BLM: variants seen among roughly 807,000 people sequenced by gnomAD.
BLM encodes BLM RecQ like helicase.
In BLM, 95 loss-of-function variants were observed where a neutral mutation model predicts 135.3. The ratio of observed to expected loss-of-function variants is 0.70; its 90% confidence interval spans 0.59 to 0.83. The LOEUF (loss-of-function observed/expected upper bound fraction) is 0.83. Ranked by LOEUF, BLM falls within the 40% of genes least tolerant of loss-of-function variation. The pLI, the probability that BLM is intolerant of heterozygous loss-of-function variation, is 0.00. For synonymous variants in BLM, 520 were observed against 589.2 expected, an observed-to-expected ratio of 0.88 and a Z score of 1.70; for missense variants, 1,518 against 1,663.9, an observed-to-expected ratio of 0.91 and a Z score of 1.53.
At chr15:90,789,011 G>T (rs189047179) in intron 14 of BLM, among the ~76,000 whole-genome samples, 1 of 144,158 alleles carries the variant, frequency 6.9e-6, no homozygotes, top group East Asian at 2.0e-4. Context: ...GCTTTAAATG[G>T]TTATGTATAG....
intron 13 of BLM, among the ~76,000 whole-genome samples, chr15:90,784,071 C>T (rs961547009): frequency 6.6e-6 from 1 of 151,912 alleles, no homozygotes; most frequent in African/African-American, 2.4e-5. Flanking sequence ...GAGCATTTTC[C>T]CATGTCTTTT....
At chr15:90,808,999 A>C in intron 19 of BLM, 138 bp from the exon 20 acceptor site, 1 of 1,245,278 alleles carries the variant, frequency 8.0e-7, no homozygotes, top group East Asian at 2.3e-5. Flanking sequence ...TTTGCCTTTT[A>C]CAAAATTGGC....
At chr15:90,791,576 C>T (rs1294181130) in intron 15 of BLM, among the ~76,000 whole-genome samples, 1 of 151,912 alleles carries the variant, frequency 6.6e-6, no homozygotes, top group East Asian at 1.9e-4. Context: ...CTGTTATCAA[C>T]AATGCAGTAT....
intron 15 of BLM, chr15:90,793,824 A>G (rs1596259521): frequency 6.0e-6 from 1 of 166,376 alleles, no homozygotes. Context: ...TACTCAGAGA[A>G]GTGCATGGCC....
rs1596250300 is a variant in BLM at position 90,782,850 on chromosome 15, C to G, written c.2584C>G (p.Leu862Val). The change falls in exon 13 of 22, where the codon CTG (leucine) becomes GTG (valine). Residue 862 changes from leucine (L) to valine (V), a missense_variant. This residue lies in a region of BLM where 626 missense variants were observed against 681.1 expected (regional missense o/e 0.92). Transcript: ENST00000355112. ...TAGCATGAGCTTTAACAGACATAAT[C>G]TGAAATACTATGTATTACCGAAAAA... ...VFSMSFNRHN[L>V]KYYVLPKKPK... is the part of the protein sequence containing the mutation. The G allele has an allele frequency of 3.7e-6, 6 of 1,613,392 alleles. No homozygotes were observed. The East Asian group carries it at 1.3e-4, about 36-fold the overall frequency.
rs587779892 is a variant in BLM, at chr15:90,815,151, A to G, written c.4126A>G (p.Ile1376Val). 1.7e-5 allele frequency: 28 copies of G among 1,614,100 alleles called. No individual in the cohort carries two copies. The highest frequency in any genetic ancestry group is 4.0e-5 in the African/African-American group (3 of 74,928). ...KISSKTKSSS[I>V]IGSSSASHTS... ...ATCTTCCAAAACGAAATCCTCCAGCATCATTGGATCCAGTTCAGCCTCACA... is the reference window on the plus strand; with the variant it reads ...ATCTTCCAAAACGAAATCCTCCAGCGTCATTGGATCCAGTTCAGCCTCACA... The change falls in exon 22 of 22, where the codon ATC becomes GTC. Residue 1376 changes from isoleucine (I) to valine (V), a missense_variant. Transcript: ENST00000355112. The surrounding 1 kb of genome is among the most constrained non-coding windows in gnomAD (Gnocchi z 4.6).
intron 16 of BLM, among the ~76,000 whole-genome samples, chr15:90,796,017 G>A (rs1391753558): frequency 3.3e-5 from 5 of 152,160 alleles, no homozygotes; most frequent in African/African-American, 9.7e-5. Flanking sequence ...TGGTGTGTTC[G>A]AGAGATGGCA....
At chr15:90,762,918 T>C in intron 7 of BLM, 48 bp from the exon 8 acceptor site, 1 of 1,524,652 alleles carries the variant, frequency 6.6e-7, no homozygotes, top group South Asian at 1.1e-5. Flanking sequence ...AGCTGTACTT[T>C]CACTGTATTC....
chr15:90,770,942 G>A (rs553215393), intron 12 of BLM, among the ~76,000 whole-genome samples: 1 of 152,140 alleles, frequency 6.6e-6, no homozygotes, highest in South Asian at 2.1e-4. Flanking sequence ...CAAGCATTTT[G>A]GGTTTCTTCC....
intron 1 of BLM, among the ~76,000 whole-genome samples, chr15:90,729,278 C>A: frequency 6.6e-6 from 1 of 152,056 alleles, no homozygotes; most frequent in East Asian, 1.9e-4. Flanking sequence ...CCACTGTACT[C>A]CAGCCTGGGC....
intron 16 of BLM, among the ~76,000 whole-genome samples, chr15:90,795,341 G>A (rs2151188062): frequency 6.6e-6 from 1 of 152,302 alleles, no homozygotes; most frequent in South Asian, 2.1e-4. Context: ...TTGGTCGGCT[G>A]TGGTGGCCCA....
chr15:90,801,859 C>G (rs1897172317), intron 17 of BLM, among the ~76,000 whole-genome samples: 1 of 151,258 alleles, frequency 6.6e-6, no homozygotes, highest in African/African-American at 2.4e-5. Context: ...AGTTCAAGAT[C>G]AGCCTGAGCA....
At chr15:90,813,732 C>T (rs775950828) in intron 21 of BLM, among the ~76,000 whole-genome samples, 6 of 152,188 alleles carry the variant, frequency 3.9e-5, no homozygotes, top group Non-Finnish European at 7.3e-5. Flanking sequence ...AGCCAGTGCA[C>T]TGTGTGACTT....
intron 8 of BLM, among the ~76,000 whole-genome samples, chr15:90,764,020 T>C (rs1896055783): frequency 6.6e-6 from 1 of 152,146 alleles, no homozygotes; most frequent in South Asian, 2.1e-4. Flanking sequence ...GGCTTAATAA[T>C]CAGCATTTCA....
chr15:90,810,041 G>A (rs910631974), intron 20 of BLM, among the ~76,000 whole-genome samples: 2 of 151,024 alleles, frequency 1.3e-5, no homozygotes, highest in Middle Eastern at 3.2e-3. Context: ...TGAGCAGGAT[G>A]AGATAGTTCA....
chr15:90,806,851 TAA>T (rs1302976378), intron 19 of BLM, among the ~76,000 whole-genome samples: 1 of 152,248 alleles, frequency 6.6e-6, no homozygotes, highest in East Asian at 1.9e-4. Context: ...CCAACTATAT[TAA>T]GATACTGTTA....
chr15:90,745,503 A>G (rs1185985012), intron 1 of BLM, among the ~76,000 whole-genome samples: 1 of 152,054 alleles, frequency 6.6e-6, no homozygotes, highest in East Asian at 1.9e-4. Context: ...TCTGCCTCCT[A>G]GGCTCAAGCA....
intron 14 of BLM, among the ~76,000 whole-genome samples, chr15:90,786,801 G>C (rs1400269887): frequency 6.6e-6 from 1 of 151,846 alleles, no homozygotes; most frequent in Non-Finnish European, 1.5e-5. Flanking sequence ...TTTTAGTAGA[G>C]ACAGGGTTTC....
chr15:90,808,028 G>C (rs1897321085), intron 19 of BLM, among the ~76,000 whole-genome samples: 1 of 152,150 alleles, frequency 6.6e-6, no homozygotes, highest in African/African-American at 2.4e-5. Flanking sequence ...ATGAAATTTG[G>C]TATTTTATGA....
Sources: allele counts gnomAD v4.1 joint callset (sites outside exome capture counted in the v4.1 genomes callset), GRCh38; gene constraint gnomAD v4.1.1; regional missense constraint gnomAD v4.1.1; non-coding constraint Gnocchi (gnomAD v3.1); transcripts MANE v1.5; gene names NCBI Gene and HGNC (gene_info 2026-07-23, HGNC 2026-07-21).